MTUS2: variants seen among roughly 807,000 people sequenced by gnomAD.
MTUS2 encodes microtubule-associated tumor suppressor candidate 2.
Under a neutral mutation model 114.1 loss-of-function variants are expected in MTUS2, and 40 were observed. That is an observed-to-expected ratio of 0.35 (90% CI 0.27 to 0.46). MTUS2 has a LOEUF of 0.46. Among genes scored for constraint, MTUS2 ranks in the 20% least tolerant of loss-of-function variants. The pLI, the probability that MTUS2 is intolerant of heterozygous loss-of-function variation, is 1.00. For synonymous variants in MTUS2, 688 were observed against 672.0 expected (o/e 1.02, Z -0.37); for missense variants, 1,679 against 1,705.4 (o/e 0.98, Z 0.27).
chr13:29,017,172 C>T (rs1886101409), intron 2 of MTUS2, among the ~76,000 whole-genome samples: 1 of 152,172 alleles, frequency 6.6e-6, no homozygotes, highest in Admixed American at 6.5e-5. Flanking sequence ...AACACGTACC[C>T]AGTAGAGATG....
chr13:29,456,955 G>T (rs1879151895), intron 9 of MTUS2, among the ~76,000 whole-genome samples: 1 of 151,662 alleles, frequency 6.6e-6, no homozygotes, highest in Non-Finnish European at 1.5e-5. Flanking sequence ...GGCTAACATG[G>T]TGAAACCCCG....
At chr13:28,947,473 T>TGGA (rs1423111804) in intron 2 of MTUS2, among the ~76,000 whole-genome samples, 17 of 152,220 alleles carry the variant, frequency 1.1e-4, no homozygotes, top group Non-Finnish European at 2.4e-4. Flanking sequence ...TCAATATGTT[T>TGGA]GCGAATGACA....
intron 4 of MTUS2, among the ~76,000 whole-genome samples, chr13:29,075,282 A>AAATTCATCAGG: frequency 6.6e-6 from 1 of 151,594 alleles, no homozygotes; most frequent in South Asian, 2.1e-4. Context: ...AGCAGCTCTG[A>AAATTCATCAGG]ACACACGTTG....
intron 4 of MTUS2, among the ~76,000 whole-genome samples, chr13:29,055,089 A>AT: frequency 6.6e-6 from 1 of 152,086 alleles, no homozygotes; most frequent in Non-Finnish European, 1.5e-5. Flanking sequence ...CATTTTTATT[A>AT]TTTTTTAAAA....
At chr13:29,129,321 A>G (rs1438407346) in intron 5 of MTUS2, among the ~76,000 whole-genome samples, 2 of 151,374 alleles carry the variant, frequency 1.3e-5, no homozygotes, top group Non-Finnish European at 2.9e-5. Flanking sequence ...CAGATTCTGT[A>G]TGCTGGTCTT....
intron 7 of MTUS2, among the ~76,000 whole-genome samples, chr13:29,332,776 A>G (rs1182338663): frequency 6.6e-6 from 1 of 150,430 alleles, no homozygotes; most frequent in African/African-American, 2.4e-5. Flanking sequence ...CTGGGACTAC[A>G]GGCGCCCGCC....
chr13:29,464,914 AC>A (rs139887059), intron 9 of MTUS2, among the ~76,000 whole-genome samples: 3,365 of 152,286 alleles, frequency 0.022, 110 homozygotes, highest in African/African-American at 0.072. Context: ...GCTAATTCTA[AC>A]GCATGCTCGA....
rs74042053 is a variant in MTUS2, at chr13:29,412,960, C to T, written c.3118-27023C>T. The stretch of plus-strand genomic sequence containing the variant: ...TATTCCTGGACTCATGGCCCAGTTC[C>T]ATCTTAAAAGCCAGCAACGGTTGAG... On this transcript the variant is annotated intron_variant, in intron 8 of 15. Coordinates refer to ENST00000612955, the MANE Select transcript of MTUS2 (RefSeq NM_001033602.4). Among the ~76,000 whole-genome samples the T allele has an allele frequency of 4.8e-3, 727 of 152,286 alleles. 7 individuals are homozygous for T. The highest frequency in any genetic ancestry group is 0.017 in the African/African-American group (695 of 41,560).
chr13:29,404,928 C>T (rs913638349), intron 8 of MTUS2, among the ~76,000 whole-genome samples: 7 of 152,346 alleles, frequency 4.6e-5, no homozygotes, highest in African/African-American at 1.7e-4. Context: ...ATCCTCACAT[C>T]ACTGTAAAAG....
intron 9 of MTUS2, among the ~76,000 whole-genome samples, chr13:29,441,866 C>A (rs1355885639): frequency 6.6e-6 from 1 of 152,208 alleles, no homozygotes; most frequent in East Asian, 1.9e-4. Flanking sequence ...TCCTTCCCCA[C>A]TGATGGAAAC....
chr13:29,444,387 C>T lies in MTUS2; in HGVS notation c.3184+4338C>T, dbSNP rs549471632. Among the ~76,000 whole-genome samples, 8 of 152,304 alleles carry T rather than the reference C, an allele frequency of 5.3e-5. No individual in the cohort carries two copies. The East Asian group carries it at 5.8e-4, about 11-fold the overall frequency. On this transcript the variant is annotated intron_variant, in intron 9 of 15. Transcript: ENST00000612955. ...GAGAGGTGACAGTGAGCCGAGATTG[C>T]GCCATTGTACTCCAGCCTGGGCAAC...
chr13:29,410,627 A>C (rs917641732), intron 8 of MTUS2, among the ~76,000 whole-genome samples: 1 of 152,070 alleles, frequency 6.6e-6, no homozygotes, highest in Non-Finnish European at 1.5e-5. Flanking sequence ...TATATTACAG[A>C]TATTACCCCT....
intron 2 of MTUS2, among the ~76,000 whole-genome samples, chr13:28,886,743 G>A (rs1878613307): frequency 6.6e-6 from 1 of 152,094 alleles, no homozygotes; most frequent in Non-Finnish European, 1.5e-5. Flanking sequence ...AAGTAAGGGG[G>A]GATAAAGTAT....
intron 4 of MTUS2, among the ~76,000 whole-genome samples, chr13:29,038,675 G>A (rs1887195291): frequency 6.6e-6 from 1 of 152,246 alleles, no homozygotes; most frequent in Non-Finnish European, 1.5e-5. Context: ...CTGTCCCAGG[G>A]AGATGGGAGT....
chr13:28,879,186 G>GT (rs1188122009), intron 2 of MTUS2, among the ~76,000 whole-genome samples: 1 of 151,656 alleles, frequency 6.6e-6, no homozygotes, highest in East Asian at 1.9e-4. Flanking sequence ...TTTTAAATTT[G>GT]TTTAAGTTCC....
At chr13:29,053,434 T>G (rs796576961) in intron 4 of MTUS2, among the ~76,000 whole-genome samples, 6 of 152,266 alleles carry the variant, frequency 3.9e-5, no homozygotes, top group African/African-American at 1.2e-4. Flanking sequence ...GAAGGCCCAG[T>G]TCACAGTGTC....
intron 2 of MTUS2, among the ~76,000 whole-genome samples, chr13:29,017,859 C>G (rs760662817): frequency 6.6e-6 from 1 of 152,066 alleles, no homozygotes; most frequent in Admixed American, 6.5e-5. Context: ...TTCAGCCTAG[C>G]GAGCTCATAA....
chr13:29,160,326 A>T (rs1893039738), intron 5 of MTUS2, among the ~76,000 whole-genome samples: 1 of 152,170 alleles, frequency 6.6e-6, no homozygotes, highest in Admixed American at 6.5e-5. Context: ...TGACTTCCTT[A>T]ATATTTTCTT....
chr13:29,158,358 C>CCCCCT, intron 5 of MTUS2, among the ~76,000 whole-genome samples: 3 of 32,048 alleles, frequency 9.4e-5, no homozygotes, highest in African/African-American at 2.1e-4. Flanking sequence ...GTCCACCCCG[C>CCCCCT]TTTTTTTTTT....
Sources: allele counts gnomAD v4.1 joint callset (sites outside exome capture counted in the v4.1 genomes callset), GRCh38; gene constraint gnomAD v4.1.1; transcripts MANE v1.5; gene names NCBI Gene and HGNC (gene_info 2026-07-23, HGNC 2026-07-21).